GRID2: variants seen among roughly 807,000 people sequenced by gnomAD.
GRID2 encodes the protein glutamate ionotropic receptor delta type subunit 2.
A neutral mutation model predicts 114.8 loss-of-function variants in GRID2; 33 were observed. The ratio of observed to expected loss-of-function variants is 0.29; its 90% CI spans 0.22 to 0.38. The LOEUF (loss-of-function observed/expected upper bound fraction) is 0.38. Among genes scored for constraint, GRID2 ranks in the 10% least tolerant of loss-of-function variants. The probability of loss-of-function intolerance (pLI) is 1.00; values close to 1 mark genes in which losing one functional copy is unlikely to be tolerated. For missense variants in GRID2, 1,184 were observed against 1,257.7 expected (o/e 0.94, Z 0.89); for synonymous variants, 505 against 449.9 (o/e 1.12, Z -1.55).
At chr4:92,990,406 G>A (rs1754817769) in intron 2 of GRID2, among the ~76,000 whole-genome samples, 1 of 150,944 alleles carries the variant, frequency 6.6e-6, no homozygotes, top group African/African-American at 2.4e-5. Context: ...GATTCTCCTG[G>A]GTTCAAGAGA....
intron 14 of GRID2, among the ~76,000 whole-genome samples, chr4:93,721,395 T>A (rs1399433741): frequency 1.3e-5 from 2 of 152,214 alleles, no homozygotes; most frequent in Non-Finnish European, 2.9e-5. Flanking sequence ...AGGCTAACTA[T>A]GTGTGCAGGA....
intron 13 of GRID2, among the ~76,000 whole-genome samples, chr4:93,612,263 C>T (rs898979863): frequency 1.3e-4 from 20 of 149,668 alleles, no homozygotes; most frequent in African/African-American, 1.7e-4. Flanking sequence ...GACTCTTTAT[C>T]CAACTTGCCA....
chr4:92,359,199 T>A (rs1728487971), intron 1 of GRID2, among the ~76,000 whole-genome samples: 2 of 152,038 alleles, frequency 1.3e-5, no homozygotes, highest in South Asian at 4.1e-4. Flanking sequence ...CTCACCAACA[T>A]GTAGTGTTCT....
At chr4:93,450,350 T>A (rs1335577689) in intron 10 of GRID2, among the ~76,000 whole-genome samples, 1 of 151,854 alleles carries the variant, frequency 6.6e-6, no homozygotes, top group African/African-American at 2.4e-5. Context: ...ATATTTCAAA[T>A]GCAAAATTTT....
At chr4:92,599,789 G>T (rs1423204730) in intron 2 of GRID2, among the ~76,000 whole-genome samples, 1 of 151,816 alleles carries the variant, frequency 6.6e-6, no homozygotes, top group Non-Finnish European at 1.5e-5. Flanking sequence ...CACTTTGGGA[G>T]GCCAAGGCAG....
At chr4:92,373,833 TTAA>T (rs1311762397) in intron 1 of GRID2, among the ~76,000 whole-genome samples, 1 of 152,136 alleles carries the variant, frequency 6.6e-6, no homozygotes, top group Non-Finnish European at 1.5e-5. Flanking sequence ...GTACATACTA[TTAA>T]TATCTCCATT....
At chr4:93,705,837 A>G (rs907506311) in intron 14 of GRID2, among the ~76,000 whole-genome samples, 1 of 152,096 alleles carries the variant, frequency 6.6e-6, no homozygotes, top group Admixed American at 6.6e-5. Flanking sequence ...TCTCTAATCT[A>G]TTTTGATTCG....
intron 8 of GRID2, among the ~76,000 whole-genome samples, chr4:93,311,667 G>T (rs1405011197): frequency 6.6e-6 from 1 of 152,172 alleles, no homozygotes; most frequent in East Asian, 1.9e-4. Flanking sequence ...ACAGGTTATT[G>T]TTGGCAGACG....
intron 2 of GRID2, among the ~76,000 whole-genome samples, chr4:92,988,444 AG>A (rs1283719771): frequency 2.6e-5 from 4 of 152,186 alleles, no homozygotes; most frequent in Non-Finnish European, 4.4e-5. Context: ...GCAAGACAAA[AG>A]CCAGACTCTT....
intron 2 of GRID2, among the ~76,000 whole-genome samples, chr4:92,950,409 C>A (rs182407979): frequency 6.6e-6 from 1 of 152,204 alleles, no homozygotes; most frequent in East Asian, 1.9e-4. Context: ...AAATTAAGTT[C>A]CTACAAGTGC....
At position 93,613,045 on chromosome 4, in the gene GRID2, G is replaced by A. The variant is rs1487916338; in HGVS notation, c.2194-13224G>A. Among the ~76,000 whole-genome samples the A allele has an allele frequency of 1.5e-3, 186 of 128,076 alleles. 4 individuals carry two copies. The highest frequency in any genetic ancestry group is 2.5e-3 in the Non-Finnish European group (146 of 58,544). 84.0% of individuals were successfully genotyped at this position (128,076 alleles called of 152,430 possible). ...CTTTTTTCTCTAAACTTCCCTTCTC[G>A]CTTCATTTCATTCATTTCATCTTCC... On this transcript the variant is annotated intron_variant, in intron 13 of 15. Transcript: ENST00000282020.
At chr4:92,912,344 G>A (rs1748450974) in intron 2 of GRID2, among the ~76,000 whole-genome samples, 1 of 151,752 alleles carries the variant, frequency 6.6e-6, no homozygotes, top group Non-Finnish European at 1.5e-5. Flanking sequence ...GATCTTGTAA[G>A]CAAGAGAGAC....
At chr4:92,711,215 A>T (rs1735229071) in intron 2 of GRID2, among the ~76,000 whole-genome samples, 1 of 152,148 alleles carries the variant, frequency 6.6e-6, no homozygotes, top group Non-Finnish European at 1.5e-5. Flanking sequence ...CCCTTTAGAG[A>T]CATGCTAATG....
intron 1 of GRID2, among the ~76,000 whole-genome samples, chr4:92,399,142 C>A (rs544655434): frequency 6.6e-6 from 1 of 152,252 alleles, no homozygotes; most frequent in East Asian, 1.9e-4. Flanking sequence ...AAAGGACCCT[C>A]GGGGTATGTC....
At chr4:92,936,972 T>C (rs1028000325) in intron 2 of GRID2, among the ~76,000 whole-genome samples, 1 of 146,756 alleles carries the variant, frequency 6.8e-6, no homozygotes, top group African/African-American at 2.4e-5. Context: ...GTAAATAATT[T>C]GTATTTCTTT....
At chr4:92,334,500 G>A (rs1727063185) in intron 1 of GRID2, among the ~76,000 whole-genome samples, 1 of 152,094 alleles carries the variant, frequency 6.6e-6, no homozygotes, top group Admixed American at 6.5e-5. Context: ...GGTATTTGGT[G>A]AGGACTTCTG....
At chr4:93,796,284 A>G (rs1238450816) in intron 1 of GRID2, among the ~76,000 whole-genome samples, 1 of 151,980 alleles carries the variant, frequency 6.6e-6, no homozygotes, top group East Asian at 1.9e-4. Context: ...TAGAGTCACA[A>G]GTCTTCCCTA....
chr4:93,154,837 TA>T (rs759742692), intron 4 of GRID2, among the ~76,000 whole-genome samples: 7 of 151,934 alleles, frequency 4.6e-5, no homozygotes, highest in Non-Finnish European at 8.8e-5. Context: ...TGCCTACTCG[TA>T]TTCCTTAGGA....
intron 1 of GRID2, among the ~76,000 whole-genome samples, chr4:92,305,368 G>T (rs1029709041): frequency 6.6e-6 from 1 of 152,176 alleles, no homozygotes; most frequent in African/African-American, 2.4e-5. Context: ...GCTGGCGGCA[G>T]TGTCGCCAAG....
Sources: gnomAD v4.1 joint callset for allele counts (sites outside exome capture counted in the v4.1 genomes callset) on GRCh38, gnomAD v4.1.1 for gene constraint, MANE v1.5 for transcripts, NCBI Gene and HGNC (gene_info 2026-07-23, HGNC 2026-07-21) for gene names.